OR2AK2: variants seen among roughly 807,000 people sequenced by gnomAD.
The protein encoded by OR2AK2 is olfactory receptor family 2 subfamily AK member 2.
For synonymous variants in OR2AK2, 139 were observed against 147.2 expected, an observed-to-expected ratio of 0.94 and a Z score of 0.40; for missense variants, 392 against 384.1, an observed-to-expected ratio of 1.02 and a Z score of -0.17.
At position 247,965,636 on chromosome 1, in the gene OR2AK2, C is replaced by G. The variant is rs925165682; in HGVS notation, c.260C>G (p.Ser87Ter). 7.1e-6 allele frequency: 11 copies of G among 1,551,750 alleles called. No homozygotes were observed. The Admixed American group carries it at 2.2e-4, about 31-fold the overall frequency. Residue 87 changes from serine (S) to a stop codon, truncating the protein, a stop_gained, in exon 1 of 1, where the codon TCA (serine) becomes TGA (stop). Coordinates refer to ENST00000366480, the Ensembl canonical transcript of OR2AK2. LOFTEE classifies it low-confidence loss of function (END_TRUNC). Reference sequence around the variant, plus strand: ...CCCAAGATGGCAGTCAGCTTCCTCTCACAGAGTAAGACCATTAGATTTTTG... The same window carrying G: ...CCCAAGATGGCAGTCAGCTTCCTCTGACAGAGTAAGACCATTAGATTTTTG...
exon 1 of OR2AK2, chr1:247,965,848 A>T (rs1228541812): frequency 1.2e-6 from 2 of 1,613,660 alleles, no homozygotes; most frequent in South Asian, 2.2e-5. Flanking sequence ...CAATGCTTTC[A>T]TACATACATT....
exon 1 of OR2AK2, chr1:247,966,075 A>T (rs200437279): frequency 1.2e-6 from 2 of 1,614,146 alleles, no homozygotes; most frequent in Non-Finnish European, 1.7e-6. Flanking sequence ...CAGGAAAAGG[A>T]CAGGCAAAAG....
In OR2AK2 at chr1:247,965,562, G is replaced by A. The variant is rs116459004; in HGVS notation, c.186G>A (p.Leu62=). 4.4e-6 allele frequency: 7 copies of A among 1,605,204 alleles called. No homozygotes were observed. In the East Asian group the frequency reaches 1.6e-4, roughly 36 times the overall value. The change falls in exon 1 of 1, where the codon CTG becomes CTA. Residue 62 remains leucine, a synonymous_variant. Coordinates refer to ENST00000366480, the Ensembl canonical transcript of OR2AK2. Reference sequence around the variant, plus strand: ...GACTCCACACTCCAATGTACTTTCTGCTCAGTCAGCTCTCCATCGTTGACC... The same window carrying A: ...GACTCCACACTCCAATGTACTTTCTACTCAGTCAGCTCTCCATCGTTGACC...
At chr1:247,965,783 T>C in exon 1 of OR2AK2, 3 of 1,599,988 alleles carry the variant, frequency 1.9e-6, no homozygotes, top group South Asian at 2.3e-5. Flanking sequence ...CCTATGCTTA[T>C]GAGCAAGAAG....
Position 247,965,387 on chromosome 1 carries a change from GA to G in OR2AK2, c.14del (p.Asn5IlefsTer19), listed in dbSNP as rs1660942690. 1 of 1,608,898 alleles carries G rather than the reference GA, an allele frequency of 6.2e-7. No individual in the cohort carries two copies. The highest frequency in any genetic ancestry group is 8.5e-7 in the Non-Finnish European group (1 of 1,177,826). The stretch of plus-strand genomic sequence containing the variant: ...ATTTTGGTTTCAGCCATGAAAACAG[GA>G]AATCAAAGTTTTGGGACAGATTTTC... On this transcript the variant is annotated frameshift_variant, in exon 1 of 1. Coordinates refer to ENST00000366480, the Ensembl canonical transcript of OR2AK2. LOFTEE classifies it low-confidence loss of function (END_TRUNC).
chr1:247,965,237 C>G (rs1258001302), exon 1 of OR2AK2: 1 of 1,025,788 alleles, frequency 9.7e-7, no homozygotes, highest in Non-Finnish European at 1.4e-6. Context: ...ACTTTGTGCT[C>G]TAAACATGTA....
exon 1 of OR2AK2, chr1:247,965,794 A>G: frequency 6.2e-7 from 1 of 1,604,736 alleles, no homozygotes; most frequent in Non-Finnish European, 8.5e-7. Flanking sequence ...GAGCAAGAAG[A>G]TCTGCTGCCT....
exon 1 of OR2AK2, chr1:247,965,738 A>G: frequency 6.4e-7 from 1 of 1,562,454 alleles, no homozygotes; most frequent in Non-Finnish European, 8.7e-7. Flanking sequence ...ATGTCTTATG[A>G]TCGCTATGTA....
exon 1 of OR2AK2, chr1:247,965,968 A>G (rs1660961391): frequency 6.2e-7 from 1 of 1,609,700 alleles, no homozygotes; most frequent in Admixed American, 1.7e-5. Flanking sequence ...GTATGAGTAT[A>G]CAGTCCTCCT....
exon 1 of OR2AK2, chr1:247,966,088 G>C: frequency 6.2e-7 from 1 of 1,614,150 alleles, no homozygotes. Flanking sequence ...GGCAAAAGCT[G>C]TTTCCACTTG....
At chr1:247,966,030 T>C in exon 1 of OR2AK2, 1 of 1,614,082 alleles carries the variant, frequency 6.2e-7, no homozygotes, top group Non-Finnish European at 8.5e-7. Context: ...TGGCTTCCTA[T>C]GCTCGTGTGC....
exon 1 of OR2AK2, chr1:247,965,621 C>A (rs759656004): frequency 2.2e-5 from 34 of 1,556,686 alleles, no homozygotes; most frequent in Non-Finnish European, 2.6e-6. Context: ...CCCAAGATGG[C>A]AGTCAGCTTC....
chr1:247,965,291 A>G lies in OR2AK2; in HGVS notation c.-86A>G, dbSNP rs1381721718. 7.1e-7 allele frequency: 1 copy of G among 1,414,884 alleles called. No homozygotes were observed. Among genetic ancestry groups the G allele is most frequent in the Non-Finnish European group, 9.5e-7 (1 of 1,057,638 alleles). The allele number at this position is 1,414,884 out of a possible 1,614,324, so 87.6% of individuals were successfully genotyped here. On this transcript the variant is annotated 5_prime_UTR_variant, in exon 1 of 1. An upstream start codon of the reference 5' UTR is lost. Transcript: ENST00000366480. ...AAGTGAATATTTATTTCTGAATGCC[A>G]TGTCATTTTACTTTCTCTTAAGGGA... is the stretch of plus-strand genomic sequence containing the variant.
exon 1 of OR2AK2, chr1:247,965,976 C>T (rs1316936520): frequency 6.2e-7 from 1 of 1,610,382 alleles, no homozygotes; most frequent in South Asian, 1.1e-5. Context: ...ATACAGTCCT[C>T]CTGAGTGGAC....
exon 1 of OR2AK2, chr1:247,965,597 TCTC>T (rs760660766): frequency 1.3e-6 from 2 of 1,579,982 alleles, no homozygotes; most frequent in African/African-American, 1.3e-5. Flanking sequence ...CTCATGTACA[TCTC>T]CACCACAGTG....
chr1:247,965,858 T>C (rs774356518), exon 1 of OR2AK2: 2 of 1,613,858 alleles, frequency 1.2e-6, no homozygotes, highest in South Asian at 1.1e-5. Context: ...ATACATACAT[T>C]GTATGTGTTT....
rs199622192 is a variant in OR2AK2, at chr1:247,965,840, A to G, written c.464A>G (p.Asn155Ser). Residue 155 changes from asparagine (N) to serine (S), a missense_variant, in exon 1 of 1, where the codon AAT becomes AGT. By Grantham distance (46) the Asn-to-Ser change is conservative. Coordinates refer to ENST00000366480, the Ensembl canonical transcript of OR2AK2. Reference sequence around the variant, plus strand: ...TGTGCATGGGCCAGTGGTTCTATCAATGCTTTCATACATACATTGTATGTG... The same window carrying G: ...TGTGCATGGGCCAGTGGTTCTATCAGTGCTTTCATACATACATTGTATGTG... 1.5e-4 allele frequency: 234 copies of G among 1,613,408 alleles called. 1 individual carries two copies. In the East Asian group the frequency reaches 2.0e-3, roughly 14 times the overall value.
chr1:247,965,732 C>T, exon 1 of OR2AK2: 1 of 1,561,154 alleles, frequency 6.4e-7, no homozygotes, highest in Non-Finnish European at 8.7e-7. Context: ...GGTTTTATGT[C>T]TTATGATCGC....
At chr1:247,965,824 G>A (rs1168716906) in exon 1 of OR2AK2, 1 of 1,612,662 alleles carries the variant, frequency 6.2e-7, no homozygotes, top group South Asian at 1.1e-5. Flanking sequence ...ATGTGCATGG[G>A]CCAGTGGTTC....
Sources: allele counts gnomAD v4.1 joint callset, GRCh38; gene constraint gnomAD v4.1.1; transcripts MANE v1.5; gene names NCBI Gene and HGNC (gene_info 2026-07-23, HGNC 2026-07-21).